Variants in GARIN1B observed in about 807,000 individuals in gnomAD.
The protein encoded by GARIN1B is golgi associated RAB2 interactor 1B.
the GARIN1B span, chr7:128,715,123 A>G: frequency 6.4e-5 from 20 of 314,328 alleles, no homozygotes; most frequent in South Asian, 2.2e-3. Context: ...CAGTGGAAGG[A>G]TCTTCCTGAC....
At chr7:128,713,023 G>A in the GARIN1B span, among the ~76,000 whole-genome samples, 2 of 152,144 alleles carry the variant, frequency 1.3e-5, no homozygotes, top group African/African-American at 2.4e-5. Context: ...AAATCAGAAT[G>A]GGCCGGGCAT....
chr7:128,711,666 C>CACACACACAG, the GARIN1B span, among the ~76,000 whole-genome samples: 1 of 88,994 alleles, frequency 1.1e-5, no homozygotes, highest in Non-Finnish European at 2.6e-5. Context: ...CAGACACACA[C>CACACACACAG]ACACACACAC....
the GARIN1B span, among the ~76,000 whole-genome samples, chr7:128,724,569 T>G: frequency 6.6e-6 from 1 of 152,132 alleles, no homozygotes; most frequent in Non-Finnish European, 1.5e-5. Context: ...GGTATAAAAC[T>G]GGTTGGTTTA....
chr7:128,723,294 AC>A, the GARIN1B span: 3 of 1,612,954 alleles, frequency 1.9e-6, no homozygotes, highest in Non-Finnish European at 2.5e-6. Context: ...ATTTTTGCCG[AC>A]TTACACCAGC....
chr7:128,711,654 TACAGACACAC>T, the GARIN1B span, among the ~76,000 whole-genome samples: 8 of 107,896 alleles, frequency 7.4e-5, no homozygotes, highest in African/African-American at 1.9e-4. Context: ...ATTTTGGTTT[TACAGACACAC>T]ACACACACAC....
the GARIN1B span, among the ~76,000 whole-genome samples, chr7:128,719,314 TG>T: frequency 2.0e-5 from 3 of 152,028 alleles, no homozygotes; most frequent in Non-Finnish European, 2.9e-5. Context: ...AATTGTTTAT[TG>T]TTTTATAAAA....
At chr7:128,727,888 G>A in the GARIN1B span, among the ~76,000 whole-genome samples, 7 of 152,066 alleles carry the variant, frequency 4.6e-5, no homozygotes, top group Non-Finnish European at 1.0e-4. Flanking sequence ...AGGTTTGAGG[G>A]ATATTTCTTC....
the GARIN1B span, among the ~76,000 whole-genome samples, chr7:128,730,831 G>A: frequency 6.6e-6 from 1 of 152,022 alleles, no homozygotes; most frequent in African/African-American, 2.4e-5. Flanking sequence ...ATTTTTAGTA[G>A]ACACAGGGTT....
chr7:128,713,482 C>T, the GARIN1B span, among the ~76,000 whole-genome samples: 2 of 152,146 alleles, frequency 1.3e-5, no homozygotes, highest in Non-Finnish European at 2.9e-5. Flanking sequence ...ATCTCATTCT[C>T]TCGTGCAGGC....
chr7:128,719,400 G>A, the GARIN1B span, among the ~76,000 whole-genome samples: 3 of 151,802 alleles, frequency 2.0e-5, no homozygotes, highest in East Asian at 1.9e-4. Context: ...GTATAGAGTC[G>A]TGTAACCATC....
the GARIN1B span, among the ~76,000 whole-genome samples, chr7:128,728,104 C>T: frequency 6.0e-3 from 911 of 152,238 alleles, 7 homozygotes; most frequent in Non-Finnish European, 8.1e-3. Flanking sequence ...TGCTAACTTT[C>T]GTCTAAATCA....
chr7:128,723,428 C>T, the GARIN1B span: 8 of 1,357,722 alleles, frequency 5.9e-6, no homozygotes, highest in South Asian at 5.4e-5. Flanking sequence ...CAGGGTTTTA[C>T]GTGACCAGGC....
chr7:128,720,798 T>C, the GARIN1B span, among the ~76,000 whole-genome samples: 1 of 152,234 alleles, frequency 6.6e-6, no homozygotes, highest in African/African-American at 2.4e-5. Context: ...TATTTCTGAA[T>C]TATCAGTTCC....
At chr7:128,715,138 C>G in the GARIN1B span, 2 of 467,104 alleles carry the variant, frequency 4.3e-6, no homozygotes, top group African/African-American at 4.2e-5. Context: ...CCTGACAGCC[C>G]TCCTTGCTTG....
chr7:128,723,394 A>G, the GARIN1B span: 1 of 1,550,486 alleles, frequency 6.4e-7, no homozygotes, highest in South Asian at 1.1e-5. Context: ...AGATCCAGAA[A>G]CCAAATAGCT....
the GARIN1B span, chr7:128,716,978 C>T: frequency 1.2e-6 from 2 of 1,611,240 alleles, no homozygotes; most frequent in African/African-American, 1.3e-5. Context: ...ATCCATAGCC[C>T]CCAACATCTT....
At chr7:128,709,146 A>G in the GARIN1B span, 2 of 152,416 alleles carry the variant, frequency 1.3e-5, no homozygotes, top group African/African-American at 2.4e-5. Context: ...GCTCAAAGCC[A>G]CATGTTGAGA....
At chr7:128,722,032 A>G in the GARIN1B span, among the ~76,000 whole-genome samples, 3 of 152,158 alleles carry the variant, frequency 2.0e-5, no homozygotes, top group Non-Finnish European at 2.9e-5. Flanking sequence ...GGAATTTTGC[A>G]TCTATGCTCA....
At chr7:128,720,835 T>A in the GARIN1B span, among the ~76,000 whole-genome samples, 3 of 152,232 alleles carry the variant, frequency 2.0e-5, no homozygotes, top group Non-Finnish European at 2.9e-5. Context: ...TGCCTATTCT[T>A]GTGTTAATAA....
Sources: allele counts gnomAD v4.1 joint callset (sites outside exome capture counted in the v4.1 genomes callset), GRCh38; gene constraint gnomAD v4.1.1; transcripts MANE v1.5; gene names NCBI Gene and HGNC (gene_info 2026-07-23, HGNC 2026-07-21).